RAB27A: variants seen among roughly 807,000 people sequenced by gnomAD.
RAB27A encodes the protein ras-related protein Rab-27A.
A neutral mutation model predicts 20.8 loss-of-function variants in RAB27A; 17 were observed. The ratio of observed to expected loss-of-function variants is 0.82; its 90% confidence interval spans 0.56 to 1.23. The LOEUF (loss-of-function observed/expected upper bound fraction) is 1.23. Ranked by LOEUF, RAB27A falls within the 50% of genes most tolerant of loss-of-function variation. The pLI is 0.00. For synonymous variants in RAB27A, 85 were observed against 92.8 expected, an observed-to-expected ratio of 0.92 and a Z score of 0.48; for missense variants, 277 against 266.7, an observed-to-expected ratio of 1.04 and a Z score of -0.27.
intron 2 of RAB27A, among the ~76,000 whole-genome samples, chr15:55,297,164 G>C (rs1483220214): frequency 6.6e-6 from 1 of 152,220 alleles, no homozygotes; most frequent in East Asian, 1.9e-4. Flanking sequence ...AGAGTTACTA[G>C]TAGATCACTG....
chr15:55,273,405 T>A (rs1465849689), intron 1 of RAB27A, among the ~76,000 whole-genome samples: 1 of 138,486 alleles, frequency 7.2e-6, no homozygotes, highest in African/African-American at 2.9e-5. Flanking sequence ...CGAGACTCCA[T>A]CTCAAAAAAA....
intron 2 of RAB27A, among the ~76,000 whole-genome samples, chr15:55,254,423 TAA>T (rs1272073629): frequency 6.6e-6 from 1 of 152,068 alleles, no homozygotes; most frequent in African/African-American, 2.4e-5. Context: ...GTCTAAGAAA[TAA>T]AAGTTTTTTA....
intron 1 of RAB27A, among the ~76,000 whole-genome samples, chr15:55,273,588 G>C (rs942773616): frequency 6.6e-6 from 1 of 151,996 alleles, no homozygotes; most frequent in Admixed American, 6.6e-5. Context: ...CCAAAAGAAA[G>C]CAGGGGTGAC....
chr15:55,318,795 TACA>T (rs990440429), intron 1 of RAB27A: 20 of 155,374 alleles, frequency 1.3e-4, no homozygotes, highest in South Asian at 3.8e-4. Flanking sequence ...TCCACATCTG[TACA>T]ACAAGCTAAA....
At chr15:55,273,178 G>A (rs567369058) in intron 1 of RAB27A, among the ~76,000 whole-genome samples, 36 of 152,152 alleles carry the variant, frequency 2.4e-4, no homozygotes, top group African/African-American at 8.2e-4. Flanking sequence ...AGGCCAAGGC[G>A]GGCAGATCAC....
At chr15:55,318,340 G>T (rs901706155) in intron 1 of RAB27A, among the ~76,000 whole-genome samples, 1 of 150,598 alleles carries the variant, frequency 6.6e-6, no homozygotes, top group African/African-American at 2.4e-5. Flanking sequence ...CTCCTGATCC[G>T]CCCGTCTTGG....
intron 1 of RAB27A, among the ~76,000 whole-genome samples, chr15:55,281,127 C>T (rs1795252050): frequency 6.6e-6 from 1 of 152,178 alleles, no homozygotes; most frequent in Admixed American, 6.5e-5. Flanking sequence ...CTTTTGTGAG[C>T]ATGTTTTAAA....
At chr15:55,298,356 C>T (rs925984626) in intron 2 of RAB27A, among the ~76,000 whole-genome samples, 5 of 152,146 alleles carry the variant, frequency 3.3e-5, no homozygotes, top group South Asian at 2.1e-4. Flanking sequence ...GCTGGGCGAC[C>T]GGGGGAGACA....
chr15:55,214,574 C>A (rs17238171), intron 6 of RAB27A, among the ~76,000 whole-genome samples: 2 of 152,112 alleles, frequency 1.3e-5, no homozygotes, highest in African/African-American at 4.8e-5. Flanking sequence ...CCTTTTATTT[C>A]CTGACTCTAA....
chr15:55,230,710 TG>T (rs1483127394), intron 3 of RAB27A, among the ~76,000 whole-genome samples: 3 of 152,130 alleles, frequency 2.0e-5, no homozygotes, highest in Non-Finnish European at 2.9e-5. Flanking sequence ...TTGTAAAATA[TG>T]AATACAAAAC....
intron 5 of RAB27A, among the ~76,000 whole-genome samples, chr15:55,225,177 C>A (rs1399569678): frequency 1.3e-5 from 2 of 152,202 alleles, no homozygotes; most frequent in African/African-American, 4.8e-5. Flanking sequence ...TCTTTCTGGT[C>A]TCCAGAGTGG....
intron 1 of RAB27A, among the ~76,000 whole-genome samples, chr15:55,315,483 GGAGA>G (rs1310711792): frequency 2.6e-5 from 4 of 151,982 alleles, no homozygotes; most frequent in Non-Finnish European, 5.9e-5. Flanking sequence ...CTACAGAATG[GGAGA>G]AAATTTTCGT....
At chr15:55,228,569 G>A in intron 5 of RAB27A, 40 bp downstream of exon 5, 1 of 1,402,716 alleles carries the variant, frequency 7.1e-7, no homozygotes, top group South Asian at 1.2e-5. Flanking sequence ...TAAATAAGAG[G>A]GGACTGTGTA....
intron 2 of RAB27A, among the ~76,000 whole-genome samples, chr15:55,297,360 A>G (rs577568876): frequency 6.6e-6 from 1 of 152,400 alleles, no homozygotes; most frequent in South Asian, 2.1e-4. Context: ...TATTGCCTGG[A>G]AACAGCTTTT....
chr15:55,282,871 C>T (rs1158483912), intron 1 of RAB27A, among the ~76,000 whole-genome samples: 1 of 152,148 alleles, frequency 6.6e-6, no homozygotes, highest in Non-Finnish European at 1.5e-5. Context: ...CAGTGGTTCT[C>T]AGTCTCAACT....
chr15:55,307,575 G>C (rs1405334085), intron 2 of RAB27A, among the ~76,000 whole-genome samples: 1 of 151,882 alleles, frequency 6.6e-6, no homozygotes, highest in Non-Finnish European at 1.5e-5. Flanking sequence ...GTAAGCCTCA[G>C]GGAAGTCCGA....
At chr15:55,253,740 A>T (rs559604458) in intron 2 of RAB27A, among the ~76,000 whole-genome samples, 3 of 125,866 alleles carry the variant, frequency 2.4e-5, no homozygotes, top group African/African-American at 1.1e-4. Flanking sequence ...AGCCTTGTTT[A>T]AAAAAAAAAA....
At chr15:55,281,685 G>GGAAGGGAAGGAAGAAGA (rs1482061122) in intron 1 of RAB27A, among the ~76,000 whole-genome samples, 7 of 151,642 alleles carry the variant, frequency 4.6e-5, no homozygotes, top group African/African-American at 1.5e-4. Context: ...AAGAAAGAAG[G>GGAAGGGAAGGAAGAAGA]GAAGGGAAGG....
upstream of RAB27A, among the ~76,000 whole-genome samples, chr15:55,290,632 C>T (rs1595752062): frequency 6.6e-6 from 1 of 152,242 alleles, no homozygotes; most frequent in African/African-American, 2.4e-5. Flanking sequence ...CACCCAGCGG[C>T]TCTCTTCTCC....
Sources: allele counts gnomAD v4.1 joint callset (sites outside exome capture counted in the v4.1 genomes callset), GRCh38; gene constraint gnomAD v4.1.1; transcripts MANE v1.5; gene names NCBI Gene and HGNC (gene_info 2026-07-23, HGNC 2026-07-21).